The following HS2ST1 variants were observed in gnomAD, a reference collection of about 807,000 sequenced individuals.
HS2ST1 encodes the protein 2-O-sulfotransferase.
Under a neutral mutation model 42.9 loss-of-function variants are expected in HS2ST1, and 18 were observed. That is an observed-to-expected ratio of 0.42 (90% CI 0.29 to 0.62). HS2ST1 has a LOEUF of 0.62. HS2ST1 is among the 20% of genes least tolerant of loss of function. The pLI, the probability that HS2ST1 is intolerant of heterozygous loss-of-function variation, is 0.21. For synonymous variants in HS2ST1, 146 were observed against 152.9 expected (o/e 0.95, Z 0.33); for missense variants, 334 against 433.8 (o/e 0.77, Z 2.04).
In HS2ST1 at chr1:86,985,459, TATATACACATATATACACATATATAC is replaced by T. The variant is rs1648745589; in HGVS notation, c.124+70301_124+70326del. Among the ~76,000 whole-genome samples, 377 of 89,306 alleles carry T rather than the reference TATATACACATATATACACATATATAC, an allele frequency of 4.2e-3. 2 individuals are homozygous for T. Among genetic ancestry groups the T allele is most frequent in the African/African-American group, 0.015 (363 of 24,740 alleles). The allele number at this position is 89,306 out of a possible 152,430, so 58.6% of individuals were successfully genotyped here. On this transcript the variant is annotated intron_variant, in intron 1 of 6. Transcript: ENST00000370550. ...ACATATATACACATATATACACACA[TATATACACATATATACACATATATAC>T]ACATATATATACACATATATACACA... is the stretch of plus-strand genomic sequence containing the variant.
chr1:87,087,020 GCAGTTCTTGACC>G (rs1277462963), intron 3 of HS2ST1, among the ~76,000 whole-genome samples: 1 of 151,952 alleles, frequency 6.6e-6, no homozygotes, highest in African/African-American at 2.4e-5. Flanking sequence ...TGAGTAAGTT[GCAGTTCTTGACC>G]TTAATGAGTT....
At chr1:86,985,499 C>CAT (rs1648750808) in intron 1 of HS2ST1, among the ~76,000 whole-genome samples, 1 of 73,454 alleles carries the variant, frequency 1.4e-5, no homozygotes, top group Admixed American at 1.6e-4. Context: ...TATATATACA[C>CAT]ATATATACAC....
At chr1:86,955,235 AT>A (rs1647642941) in intron 1 of HS2ST1, among the ~76,000 whole-genome samples, 1 of 152,200 alleles carries the variant, frequency 6.6e-6, no homozygotes. Context: ...TGAGACCTCA[AT>A]ATAGGGAATA....
chr1:86,951,816 T>C (rs1401187156), intron 1 of HS2ST1, among the ~76,000 whole-genome samples: 1 of 152,378 alleles, frequency 6.6e-6, no homozygotes, highest in Middle Eastern at 3.4e-3. Flanking sequence ...GTTTATGGGA[T>C]ATTCTATGTC....
At chr1:87,041,752 C>CAT (rs1301072685) in intron 1 of HS2ST1, among the ~76,000 whole-genome samples, 2 of 152,148 alleles carry the variant, frequency 1.3e-5, no homozygotes, top group African/African-American at 4.8e-5. Context: ...TGTGTTGTTG[C>CAT]ATACGATGGA....
intron 1 of HS2ST1, among the ~76,000 whole-genome samples, chr1:87,071,771 T>A (rs1474934022): frequency 6.7e-6 from 1 of 149,250 alleles, no homozygotes; most frequent in Non-Finnish European, 1.5e-5. Context: ...GTCAGAGCTA[T>A]CAGATGCTTC....
At chr1:87,018,132 C>CCACACACACACACA (rs56401098) in intron 1 of HS2ST1, among the ~76,000 whole-genome samples, 111 of 149,350 alleles carry the variant, frequency 7.4e-4, no homozygotes, top group African/African-American at 2.5e-3. Flanking sequence ...TAAATAAAAG[C>CCACACACACACACA]CACACACACA....
rs1281933134 is a variant in HS2ST1 at position 87,107,622 on chromosome 1, G to A, written c.*2926G>A. On this transcript the variant is annotated 3_prime_UTR_variant, in exon 7 of 7. Transcript: ENST00000370550. ...TGGAATTTTAAAGATAATGTTATGT[G>A]TGTATGTGAAATATATATACATATA... is the stretch of plus-strand genomic sequence containing the variant. 2.6e-5 allele frequency: 3 copies of A among 114,898 alleles called. No homozygotes were observed. Among genetic ancestry groups the A allele is most frequent in the South Asian group, 3.1e-4 (1 of 3,218 alleles). The allele number at this position is 114,898 out of a possible 1,614,324, so 7.1% of individuals were successfully genotyped here.
chr1:86,923,697 G>A (rs1210689582), intron 1 of HS2ST1, among the ~76,000 whole-genome samples: 2 of 152,124 alleles, frequency 1.3e-5, no homozygotes, highest in Non-Finnish European at 2.9e-5. Flanking sequence ...CGCCTGGCGG[G>A]AATGCCTCTT....
intron 1 of HS2ST1, among the ~76,000 whole-genome samples, chr1:86,975,571 C>T (rs1648373854): frequency 6.6e-6 from 1 of 152,092 alleles, no homozygotes; most frequent in Non-Finnish European, 1.5e-5. Context: ...GCTTTTGACT[C>T]ACATGTAGTT....
At chr1:87,004,123 G>A (rs1649368200) in intron 1 of HS2ST1, among the ~76,000 whole-genome samples, 1 of 152,140 alleles carries the variant, frequency 6.6e-6, no homozygotes, top group Non-Finnish European at 1.5e-5. Flanking sequence ...GGGCGTGGTG[G>A]CTGACACCTG....
chr1:86,981,929 T>A lies in HS2ST1; in HGVS notation c.124+66769T>A, dbSNP rs774885534. 3.5e-4 allele frequency among the ~76,000 whole-genome samples: 53 copies of A among 152,316 alleles called. 1 individual carries two copies. The highest frequency in any genetic ancestry group is 3.7e-4 in the Non-Finnish European group (25 of 68,012). ...CTTTCCACACCGTCCTAGCAGAGGT[T>A]CTCCATGAGAGCTCTGCCCCTGCAG... On this transcript the variant is annotated intron_variant, in intron 1 of 6. Transcript: ENST00000370550.
chr1:86,994,448 T>C (rs1321925586), intron 1 of HS2ST1, among the ~76,000 whole-genome samples: 1 of 152,186 alleles, frequency 6.6e-6, no homozygotes. Context: ...CTAGGCCCCA[T>C]AGTGAAAACA....
At chr1:86,955,757 G>A (rs1052944667) in intron 1 of HS2ST1, among the ~76,000 whole-genome samples, 2 of 152,172 alleles carry the variant, frequency 1.3e-5, no homozygotes, top group Admixed American at 6.5e-5. Context: ...GGCCAAGGTG[G>A]GCGGATTGCC....
At chr1:87,048,452 A>G (rs1311978004) in intron 1 of HS2ST1, among the ~76,000 whole-genome samples, 1 of 152,168 alleles carries the variant, frequency 6.6e-6, no homozygotes. Flanking sequence ...GAGGGTGGAC[A>G]TCCTTGCCTC....
At chr1:87,007,608 T>G (rs1247240188) in intron 1 of HS2ST1, among the ~76,000 whole-genome samples, 1 of 152,156 alleles carries the variant, frequency 6.6e-6, no homozygotes, top group Non-Finnish European at 1.5e-5. Flanking sequence ...TTTTTTCCTC[T>G]CAAAATACTT....
At chr1:86,964,003 C>T (rs1208527781) in intron 1 of HS2ST1, among the ~76,000 whole-genome samples, 5 of 148,986 alleles carry the variant, frequency 3.4e-5, no homozygotes, top group South Asian at 2.1e-4. Flanking sequence ...TCAGACAGGG[C>T]GGCCGGGCAG....
intron 1 of HS2ST1, among the ~76,000 whole-genome samples, chr1:86,962,379 A>C (rs548537335): frequency 4.7e-4 from 71 of 152,292 alleles, no homozygotes; most frequent in Non-Finnish European, 9.6e-4. Flanking sequence ...AAGTTTGTAC[A>C]CGGATGATTA....
intron 1 of HS2ST1, among the ~76,000 whole-genome samples, chr1:87,025,674 G>T (rs1209748561): frequency 1.3e-5 from 2 of 152,120 alleles, no homozygotes; most frequent in African/African-American, 2.4e-5. Context: ...TTTAAGATGT[G>T]TTCCTTTCAG....
Sources: allele counts gnomAD v4.1 joint callset (sites outside exome capture counted in the v4.1 genomes callset), GRCh38; gene constraint gnomAD v4.1.1; transcripts MANE v1.5; gene names NCBI Gene and HGNC (gene_info 2026-07-23, HGNC 2026-07-21).